Variants in PIKFYVE observed in about 807,000 individuals in gnomAD.
The protein encoded by PIKFYVE is 1-phosphatidylinositol 3-phosphate 5-kinase.
Under a neutral mutation model 257.9 loss-of-function variants are expected in PIKFYVE, and 122 were observed. That is an observed-to-expected ratio of 0.47 (90% CI 0.41 to 0.55). PIKFYVE has a LOEUF of 0.55. Among genes scored for constraint, PIKFYVE ranks in the 20% least tolerant of loss-of-function variants. The probability of loss-of-function intolerance (pLI) is 0.00; values close to 1 mark genes in which losing one functional copy is unlikely to be tolerated. For synonymous variants in PIKFYVE, 892 were observed against 868.9 expected (o/e 1.03, Z -0.47); for missense variants, 2,160 against 2,536.6 (o/e 0.85, Z 3.19).
chr2:208,286,221 TA>T (rs1691555261), intron 6 of PIKFYVE, among the ~76,000 whole-genome samples: 3 of 152,224 alleles, frequency 2.0e-5, no homozygotes, highest in African/African-American at 7.2e-5. Flanking sequence ...ATCTTGATAA[TA>T]TTTGTTGAAC....
intron 15 of PIKFYVE, among the ~76,000 whole-genome samples, chr2:208,317,516 C>T (rs1202632858): frequency 2.6e-5 from 4 of 151,960 alleles, no homozygotes; most frequent in South Asian, 2.1e-4. Context: ...CCAGGGAAGT[C>T]AAAAGATTGG....
intron 10 of PIKFYVE, chr2:208,302,712 TGA>T (rs1693844323): frequency 3.5e-6 from 1 of 287,514 alleles, no homozygotes; most frequent in African/African-American, 2.2e-5. Context: ...CTTTTAGAAC[TGA>T]GAGTATAAAT....
rs1700108574 is a variant in PIKFYVE, at chr2:208,355,427, T to G, written c.*122T>G. ...CCACTGTATGCCAAGGCTTTTCAGT[T>G]CTGTGGCTGTTTAGACTGTCCGTAA... On this transcript the variant is annotated 3_prime_UTR_variant, in exon 42 of 42. Transcript: ENST00000264380. 1.2e-6 allele frequency: 1 copy of G among 802,346 alleles called. No individual in the cohort carries two copies. Among genetic ancestry groups the G allele is most frequent in the Non-Finnish European group, 2.0e-6 (1 of 489,470 alleles). 49.7% of individuals were successfully genotyped at this position (802,346 alleles called of 1,614,324 possible). A position where few individuals can be genotyped will look rare whatever the true frequency, so the allele number is the denominator to read the frequency against.
In PIKFYVE at chr2:208,357,379, T is replaced by C. The variant is rs1392259379; in HGVS notation, c.*2074T>C. On this transcript the variant is annotated 3_prime_UTR_variant, in exon 42 of 42. Coordinates refer to ENST00000264380, the MANE Select transcript of PIKFYVE (RefSeq NM_015040.4). ...CAAGGTGTCTCCCCCTAGGTGCAAT[T>C]AGGTTGTTTCTTTGTTTTTAGTTTC... 1.3e-5 allele frequency: 2 copies of C among 152,318 alleles called. No individual in the cohort carries two copies. The highest frequency in any genetic ancestry group is 1.5e-5 in the Non-Finnish European group (1 of 68,018). 9.4% of individuals were successfully genotyped at this position (152,318 alleles called of 1,614,324 possible). A position where few individuals can be genotyped will look rare whatever the true frequency, so the allele number is the denominator to read the frequency against.
At position 208,355,448 on chromosome 2, in the gene PIKFYVE, C is replaced by A; in HGVS notation, c.*143C>A. 1 of 657,186 alleles carries A rather than the reference C, an allele frequency of 1.5e-6. No homozygotes were observed. Among genetic ancestry groups the A allele is most frequent in the South Asian group, 1.9e-5 (1 of 53,394 alleles). The allele number at this position is 657,186 out of a possible 1,614,324, so 40.7% of individuals were successfully genotyped here. A position where few individuals can be genotyped will look rare whatever the true frequency, so the allele number is the denominator to read the frequency against. ...CAGTTCTGTGGCTGTTTAGACTGTC[C>A]GTAATGGAATGGTAAAACTCCATGA... On this transcript the variant is annotated 3_prime_UTR_variant, in exon 42 of 42. Coordinates refer to ENST00000264380, the MANE Select transcript of PIKFYVE (RefSeq NM_015040.4).
intron 2 of PIKFYVE, among the ~76,000 whole-genome samples, chr2:208,273,115 T>A (rs1192643400): frequency 1.3e-5 from 2 of 152,196 alleles, no homozygotes; most frequent in Non-Finnish European, 2.9e-5. Flanking sequence ...CTGGGAACTG[T>A]TTTGATAGTG....
At position 208,324,173 on chromosome 2, in the gene PIKFYVE, G is replaced by A; in HGVS notation, c.2222G>A (p.Arg741Gln). The change falls in exon 18 of 42, where the codon CGA (arginine) becomes CAA (glutamine). Residue 741 changes from arginine (R) to glutamine (Q), a missense_variant. By Grantham distance (43) the Arg-to-Gln change is conservative (BLOSUM62 1). Around this residue, in one of 12 missense-constraint regions of PIKFYVE, gnomAD observed 346 missense variants for 365.6 expected, o/e 0.95. Transcript: ENST00000264380. ...EREFLKNYVQ[R>Q]IVDVRPTLVL... Reference sequence around the variant, plus strand: ...GAATTCTTGAAGAATTATGTCCAGCGAATAGTTGATGTTCGACCCACCTTG... The same window carrying A: ...GAATTCTTGAAGAATTATGTCCAGCAAATAGTTGATGTTCGACCCACCTTG... 3 of 1,613,772 alleles carry A rather than the reference G, an allele frequency of 1.9e-6. No homozygotes were observed. Among genetic ancestry groups the A allele is most frequent in the Non-Finnish European group, 2.5e-6 (3 of 1,179,740 alleles).
At chr2:208,314,205 T>C (rs1238847375) in intron 13 of PIKFYVE, 89 bp from the exon 14 acceptor site, 3 of 1,448,344 alleles carry the variant, frequency 2.1e-6, no homozygotes, top group Non-Finnish European at 9.5e-7. Context: ...AAAACATTTA[T>C]AAAGACAAAG....
In PIKFYVE at chr2:208,288,780, T is replaced by C; in HGVS notation, c.873T>C (p.Ser291=). 2 of 1,614,112 alleles carry C rather than the reference T, an allele frequency of 1.2e-6. No homozygotes were observed. Among genetic ancestry groups the C allele is most frequent in the Non-Finnish European group, 1.7e-6 (2 of 1,179,982 alleles). ...SNTPLSTRLV[S]VQEDAGKSPA... is the part of the protein sequence containing the mutation. Reference sequence around the variant, plus strand: ...CTCCTCTTTCAACAAGACTTGTATCTGTGCAAGAGGATGCTGGGAAATCTC... The same window carrying C: ...CTCCTCTTTCAACAAGACTTGTATCCGTGCAAGAGGATGCTGGGAAATCTC... The change falls in exon 7 of 42, where the codon TCT becomes TCC. Residue 291 remains serine, a synonymous_variant. Coordinates refer to ENST00000264380, the MANE Select transcript of PIKFYVE (RefSeq NM_015040.4).
intron 34 of PIKFYVE, among the ~76,000 whole-genome samples, chr2:208,346,547 C>T (rs1347869471): frequency 6.6e-6 from 1 of 152,130 alleles, no homozygotes; most frequent in Non-Finnish European, 1.5e-5. Context: ...CTAGTAACCA[C>T]ATAAGAATTA....
chr2:208,278,641 A>G (rs998096499), intron 5 of PIKFYVE, among the ~76,000 whole-genome samples: 5 of 152,110 alleles, frequency 3.3e-5, no homozygotes, highest in Non-Finnish European at 5.9e-5. Flanking sequence ...TCCCACTTGT[A>G]AGTGAGAGCT....
chr2:208,345,688 A>G (rs1699162133), intron 33 of PIKFYVE, among the ~76,000 whole-genome samples: 1 of 152,160 alleles, frequency 6.6e-6, no homozygotes. Flanking sequence ...CATCTCTACT[A>G]ACATTATAGT....
At chr2:208,343,003 T>C (rs10197835) in intron 32 of PIKFYVE, among the ~76,000 whole-genome samples, 149,657 of 152,012 alleles carry the variant, frequency 0.98, 73,707 homozygotes, top group East Asian at 1. Context: ...CCATAATGGT[T>C]GGGCTGGTCT....
At chr2:208,331,389 CT>C (rs1278521696) in intron 23 of PIKFYVE, among the ~76,000 whole-genome samples, 1 of 151,898 alleles carries the variant, frequency 6.6e-6, no homozygotes, top group Non-Finnish European at 1.5e-5. Context: ...TTCTTTCTTT[CT>C]TTTTTGAGAC....
At chr2:208,302,632 A>G (rs977804909) in intron 10 of PIKFYVE, 4 of 399,492 alleles carry the variant, frequency 1.0e-5, no homozygotes, top group African/African-American at 2.1e-5. Flanking sequence ...TAGTTCTTAA[A>G]TTTGGGTTTA....
chr2:208,335,177 T>C lies in PIKFYVE; in HGVS notation c.4143-129T>C, dbSNP rs908153387. ...GCTAAAAATTATTTTTGTGATTGTT[T>C]TAAAATACGATTTTATAGAAACTTT... On this transcript the variant is annotated intron_variant, in intron 24 of 41. Transcript: ENST00000264380. 6 of 710,954 alleles carry C rather than the reference T, an allele frequency of 8.4e-6. No homozygotes were observed. In the African/African-American group the frequency reaches 1.1e-4, roughly 13 times the overall value. The allele number at this position is 710,954 out of a possible 1,614,324, so 44.0% of individuals were successfully genotyped here. A position where few individuals can be genotyped will look rare whatever the true frequency, so the allele number is the denominator to read the frequency against.
At chr2:208,298,290 A>G (rs1693240066) in intron 7 of PIKFYVE, among the ~76,000 whole-genome samples, 1 of 152,200 alleles carries the variant, frequency 6.6e-6, no homozygotes, top group African/African-American at 2.4e-5. Flanking sequence ...TAACAAGAAG[A>G]CTTTGTATCT....
intron 28 of PIKFYVE, among the ~76,000 whole-genome samples, chr2:208,337,760 C>T (rs1011876447): frequency 1.3e-5 from 2 of 151,990 alleles, no homozygotes; most frequent in African/African-American, 4.8e-5. Context: ...CTCACTCTGT[C>T]GTGCATGCTG....
intron 31 of PIKFYVE, among the ~76,000 whole-genome samples, chr2:208,340,402 A>G (rs1027974109): frequency 1.3e-5 from 2 of 152,188 alleles, no homozygotes; most frequent in African/African-American, 4.8e-5. Context: ...TCTTTTTTCA[A>G]AGATATGTGG....
Sources: gnomAD v4.1 joint callset for allele counts (sites outside exome capture counted in the v4.1 genomes callset) on GRCh38, gnomAD v4.1.1 for gene constraint, gnomAD v4.1.1 regional missense constraint, MANE v1.5 for transcripts, NCBI Gene and HGNC (gene_info 2026-07-23, HGNC 2026-07-21) for gene names.